The following CAAP1 variants were observed in gnomAD, a reference collection of about 807,000 sequenced individuals.
CAAP1 encodes the protein conserved anti-apoptotic protein.
Under a neutral mutation model 34.0 loss-of-function variants are expected in CAAP1, and 20 were observed. The ratio of observed to expected loss-of-function variants is 0.59; its 90% confidence interval spans 0.41 to 0.86. The LOEUF is 0.86. CAAP1 is among the 40% of genes least tolerant of loss of function. The pLI is 0.00. For missense variants in CAAP1, 538 were observed against 450.5 expected, an observed-to-expected ratio of 1.19 and a Z score of -1.76; for synonymous variants, 213 against 166.7, an observed-to-expected ratio of 1.28 and a Z score of -2.14.
chr9:26,877,571 G>T (rs1047380475), intron 4 of CAAP1, among the ~76,000 whole-genome samples: 1 of 152,018 alleles, frequency 6.6e-6, no homozygotes, highest in Non-Finnish European at 1.5e-5. Context: ...TAGGAGCAAG[G>T]GTTCAATTTC....
intron 5 of CAAP1, among the ~76,000 whole-genome samples, chr9:26,845,535 C>T (rs2131293298): frequency 6.6e-6 from 1 of 152,168 alleles, no homozygotes; most frequent in Admixed American, 6.5e-5. Context: ...GCCACCACAC[C>T]CGGCTAATTT....
chr9:26,879,162 A>T (rs1414221330), intron 4 of CAAP1, among the ~76,000 whole-genome samples: 1 of 152,238 alleles, frequency 6.6e-6, no homozygotes, highest in East Asian at 1.9e-4. Context: ...ATAGCTCCTC[A>T]AAGTGATTTG....
intron 5 of CAAP1, among the ~76,000 whole-genome samples, chr9:26,847,198 A>ATATTTTTTTTTTTTT (rs1554649570): frequency 2.9e-5 from 1 of 34,708 alleles, no homozygotes; most frequent in African/African-American, 1.2e-4. Flanking sequence ...AAAAAGCAAT[A>ATATTTTTTTTTTTTT]TTTTTTTTTT....
At chr9:26,885,783 T>C (rs1361440538) in intron 3 of CAAP1, among the ~76,000 whole-genome samples, 1 of 152,136 alleles carries the variant, frequency 6.6e-6, no homozygotes, top group Non-Finnish European at 1.5e-5. Flanking sequence ...AGCAGAAAAT[T>C]AAAAAGATTT....
intron 5 of CAAP1, among the ~76,000 whole-genome samples, chr9:26,852,666 C>A (rs532479963): frequency 2.0e-4 from 30 of 152,214 alleles, no homozygotes; most frequent in African/African-American, 7.0e-4. Flanking sequence ...AACTGATAGG[C>A]TGTGAAGTAG....
chr9:26,879,509 C>T (rs190704909), intron 4 of CAAP1, among the ~76,000 whole-genome samples: 94 of 152,270 alleles, frequency 6.2e-4, no homozygotes, highest in African/African-American at 2.0e-3. Context: ...TAAGTGTCAA[C>T]TTGATTGGAT....
At chr9:26,854,706 T>C (rs547825353) in intron 5 of CAAP1, among the ~76,000 whole-genome samples, 1 of 152,028 alleles carries the variant, frequency 6.6e-6, no homozygotes, top group Non-Finnish European at 1.5e-5. Context: ...AAAGCAACAA[T>C]ACGAAAACAA....
At chr9:26,847,867 T>C (rs536152542) in intron 5 of CAAP1, among the ~76,000 whole-genome samples, 2 of 152,308 alleles carry the variant, frequency 1.3e-5, no homozygotes, top group South Asian at 2.1e-4. Context: ...TTACAACTTA[T>C]GTTATTATTT....
chr9:26,879,516 G>A (rs895184575), intron 4 of CAAP1, among the ~76,000 whole-genome samples: 1 of 152,170 alleles, frequency 6.6e-6, no homozygotes, highest in Non-Finnish European at 1.5e-5. Context: ...CAACTTGATT[G>A]GATTGAAGGA....
At chr9:26,883,238 G>A (rs1482950974) in intron 4 of CAAP1, among the ~76,000 whole-genome samples, 2 of 152,164 alleles carry the variant, frequency 1.3e-5, no homozygotes, top group African/African-American at 2.4e-5. Context: ...ATCTCATCTG[G>A]AATTACAGCT....
intron 4 of CAAP1, among the ~76,000 whole-genome samples, chr9:26,868,714 A>G (rs1041686230): frequency 1.3e-5 from 2 of 152,230 alleles, no homozygotes; most frequent in Non-Finnish European, 2.9e-5. Context: ...TGAAGATACA[A>G]TCAGATAAAG....
intron 5 of CAAP1, among the ~76,000 whole-genome samples, chr9:26,845,609 C>T (rs1244780279): frequency 6.6e-6 from 1 of 152,100 alleles, no homozygotes; most frequent in Non-Finnish European, 1.5e-5. Flanking sequence ...CTCCTGACCT[C>T]GTGATCCACC....
chr9:26,882,137 A>T (rs1823606527), intron 4 of CAAP1, among the ~76,000 whole-genome samples: 1 of 152,246 alleles, frequency 6.6e-6, no homozygotes, highest in South Asian at 2.1e-4. Context: ...AAAGTTCAGA[A>T]AATTTGCAGC....
At position 26,892,763 on chromosome 9, in the gene CAAP1, G is replaced by A; in HGVS notation, c.-48C>T. 1.3e-6 allele frequency: 2 copies of A among 1,512,284 alleles called. No homozygotes were observed. Among genetic ancestry groups the A allele is most frequent in the Admixed American group, 2.1e-5 (1 of 48,596 alleles). 93.7% of individuals were successfully genotyped at this position (1,512,284 alleles called of 1,614,324 possible). On this transcript the variant is annotated 5_prime_UTR_variant, in exon 1 of 6. Transcript: ENST00000333916. The stretch of plus-strand genomic sequence containing the variant: ...GAGGAAAGTCCGCTGTCTCTGGTGC[G>A]ACCGAAGCCCGACTCCTGCGGCCGT...
At chr9:26,844,262 C>T (rs952569762) in intron 5 of CAAP1, among the ~76,000 whole-genome samples, 12 of 152,168 alleles carry the variant, frequency 7.9e-5, no homozygotes, top group Middle Eastern at 3.4e-3. Context: ...GAGGCTGAGG[C>T]AAGAGAATCA....
chr9:26,851,921 C>T (rs948896657), intron 5 of CAAP1, among the ~76,000 whole-genome samples: 2 of 152,164 alleles, frequency 1.3e-5, no homozygotes, highest in Admixed American at 1.3e-4. Flanking sequence ...TGTGCTCAAA[C>T]TCATTATCTA....
intron 4 of CAAP1, among the ~76,000 whole-genome samples, chr9:26,867,889 G>A (rs1379780190): frequency 3.9e-5 from 6 of 152,012 alleles, no homozygotes; most frequent in Admixed American, 2.0e-4. Context: ...AGAATCCATA[G>A]GCTTCACTAG....
At chr9:26,858,061 A>G (rs893110989) in intron 5 of CAAP1, among the ~76,000 whole-genome samples, 3 of 152,236 alleles carry the variant, frequency 2.0e-5, no homozygotes, top group Non-Finnish European at 4.4e-5. Flanking sequence ...ATGCTGCTTT[A>G]TATTTTGGTC....
At chr9:26,861,030 T>C (rs769760179) in intron 5 of CAAP1, 36 bp downstream of exon 5, 1 of 1,433,458 alleles carries the variant, frequency 7.0e-7, no homozygotes, top group South Asian at 1.2e-5. Flanking sequence ...ATTCTTCAGG[T>C]AAATTTTATA....
Sources: allele counts gnomAD v4.1 joint callset (sites outside exome capture counted in the v4.1 genomes callset), GRCh38; gene constraint gnomAD v4.1.1; transcripts MANE v1.5; gene names NCBI Gene and HGNC (gene_info 2026-07-23, HGNC 2026-07-21).